Variants in WSCD2 observed in about 807,000 individuals in gnomAD.
WSCD2 encodes WSC domain sialate O sulfotransferase 2.
Under a neutral mutation model 55.7 loss-of-function variants are expected in WSCD2, and 28 were observed. The observed-to-expected ratio is 0.50, with a 90% CI of 0.37 to 0.69. The LOEUF (loss-of-function observed/expected upper bound fraction) is 0.69, where lower values mean the gene tolerates loss of function less well. WSCD2 is among the 30% of genes least tolerant of loss of function. WSCD2 has a pLI of 0.00. For missense variants in WSCD2, 616 were observed against 762.1 expected, an observed-to-expected ratio of 0.81 and a Z score of 2.26; for synonymous variants, 301 against 301.9, an observed-to-expected ratio of 1.00 and a Z score of 0.03.
chr12:108,197,742 C>G (rs1884115002), intron 2 of WSCD2, among the ~76,000 whole-genome samples: 1 of 151,984 alleles, frequency 6.6e-6, no homozygotes, highest in African/African-American at 2.4e-5. Context: ...AAGTCCTCAC[C>G]AGCCAGCACC....
At chr12:108,206,926 G>A (rs1266309260) in intron 3 of WSCD2, among the ~76,000 whole-genome samples, 6 of 152,228 alleles carry the variant, frequency 3.9e-5, no homozygotes, top group Non-Finnish European at 8.8e-5. Flanking sequence ...TAAGCATAAG[G>A]CTTGCAAGAT....
At chr12:108,147,772 G>A (rs1199174549) in intron 1 of WSCD2, among the ~76,000 whole-genome samples, 3 of 151,904 alleles carry the variant, frequency 2.0e-5, no homozygotes, top group Admixed American at 6.6e-5. Flanking sequence ...CCAGCTTCTT[G>A]GGGAGCTGAG....
At chr12:108,130,086 C>T (rs1434922903) in intron 1 of WSCD2, among the ~76,000 whole-genome samples, 160 bp downstream of exon 1, 2 of 152,228 alleles carry the variant, frequency 1.3e-5, no homozygotes, top group African/African-American at 4.8e-5. Flanking sequence ...AGTGAGGAAC[C>T]CAGAGTGGTG....
chr12:108,236,936 A>G (rs1889321309), intron 7 of WSCD2, among the ~76,000 whole-genome samples: 1 of 152,198 alleles, frequency 6.6e-6, no homozygotes, highest in African/African-American at 2.4e-5. Context: ...GAGGAGCCAG[A>G]GCCCTGACTT....
At chr12:108,227,224 C>T (rs1191406040) in intron 6 of WSCD2, 60 bp downstream of exon 6, 9 of 1,558,268 alleles carry the variant, frequency 5.8e-6, no homozygotes, top group East Asian at 4.5e-5. Context: ...CCCTCCCAGA[C>T]GTGTTCCTGC....
intron 4 of WSCD2, among the ~76,000 whole-genome samples, chr12:108,222,639 A>G (rs1367855465): frequency 6.6e-6 from 1 of 152,216 alleles, no homozygotes; most frequent in Non-Finnish European, 1.5e-5. Context: ...CAGCCTTTCA[A>G]AAGATTTAAC....
chr12:108,212,617 A>T (rs898221398), intron 4 of WSCD2, among the ~76,000 whole-genome samples: 182 of 140,934 alleles, frequency 1.3e-3, no homozygotes, highest in African/African-American at 3.5e-3. Flanking sequence ...TCTCTCTCAC[A>T]CACACACACA....
At chr12:108,141,397 G>A (rs948261870) in intron 1 of WSCD2, among the ~76,000 whole-genome samples, 11 of 152,154 alleles carry the variant, frequency 7.2e-5, no homozygotes, top group East Asian at 5.8e-4. Context: ...CACCATCCCC[G>A]GTTCTAAACA....
chr12:108,147,638 A>T (rs1819743661), intron 1 of WSCD2, among the ~76,000 whole-genome samples: 1 of 152,062 alleles, frequency 6.6e-6, no homozygotes, highest in Non-Finnish European at 1.5e-5. Flanking sequence ...GCACTTTGGG[A>T]GGCTGAGGCA....
chr12:108,247,051 ATTATCC>A (rs1323812379), intron 8 of WSCD2, among the ~76,000 whole-genome samples: 1 of 152,226 alleles, frequency 6.6e-6, no homozygotes, highest in Non-Finnish European at 1.5e-5. Context: ...GAGCTCCATT[ATTATCC>A]TGTGAGGAGA....
chr12:108,149,542 A>C (rs904825992), intron 1 of WSCD2, among the ~76,000 whole-genome samples: 1 of 152,178 alleles, frequency 6.6e-6, no homozygotes, highest in South Asian at 2.1e-4. Flanking sequence ...CCCACTTGAC[A>C]GATGAGGAAG....
In WSCD2 at chr12:108,248,966, G is replaced by A; in HGVS notation, c.*623G>A. 1 of 968,300 alleles carries A rather than the reference G, an allele frequency of 1.0e-6. No homozygotes were observed. Among genetic ancestry groups the A allele is most frequent in the Non-Finnish European group, 1.2e-6 (1 of 813,866 alleles). The allele number at this position is 968,300 out of a possible 1,614,324, so 60.0% of individuals were successfully genotyped here. A position where few individuals can be genotyped will look rare whatever the true frequency, so the allele number is the denominator to read the frequency against. The stretch of plus-strand genomic sequence containing the variant: ...AGGTTAATTGGAGACACCATGTGGG[G>A]CCATTGGTGTTATGAGCCCCCCAGG... On this transcript the variant is annotated 3_prime_UTR_variant, in exon 9 of 9. Transcript: ENST00000547525. This position sits in a 1 kb window ranked among gnomAD's most constrained non-coding sequence, Gnocchi z 4.3.
rs1890238449 is a variant in WSCD2, at chr12:108,248,426, A to G, written c.*83A>G. 4 of 1,506,274 alleles carry G rather than the reference A, an allele frequency of 2.7e-6. No individual in the cohort carries two copies. The highest frequency in any genetic ancestry group is 2.7e-6 in the Non-Finnish European group (3 of 1,126,690). The allele number at this position is 1,506,274 out of a possible 1,614,324, so 93.3% of individuals were successfully genotyped here. A position where few individuals can be genotyped will look rare whatever the true frequency, so the allele number is the denominator to read the frequency against. ...TCAAGACCCCTGGTTACCCCCACTC[A>G]TCTGTCCTCTCTTTGGTCTGGGGAC... On this transcript the variant is annotated 3_prime_UTR_variant, in exon 9 of 9. Transcript: ENST00000547525. This position sits in a 1 kb window ranked among gnomAD's most constrained non-coding sequence, Gnocchi z 4.3.
rs143179550 is a variant in WSCD2 at position 108,135,481 on chromosome 12, T to A, written c.-552+5555T>A. On this transcript the variant is annotated intron_variant, in intron 1 of 8. Transcript: ENST00000547525. ...GTCCTTCACACAGTGCCTTTCATGC[T>A]GGAAGCCATAATAAACAATAACTCC... Among the ~76,000 whole-genome samples, 481 of 152,354 alleles carry A rather than the reference T, an allele frequency of 3.2e-3. 3 individuals carry two copies. Among genetic ancestry groups the A allele is most frequent in the Middle Eastern group, 0.01 (3 of 294 alleles).
intron 1 of WSCD2, among the ~76,000 whole-genome samples, chr12:108,193,954 G>A (rs550410974): frequency 1.3e-5 from 2 of 152,338 alleles, no homozygotes; most frequent in East Asian, 3.9e-4. Flanking sequence ...GTCTGGATTA[G>A]GAGAGTATGT....
chr12:108,235,142 C>T (rs1333378335), intron 7 of WSCD2, among the ~76,000 whole-genome samples: 1 of 152,154 alleles, frequency 6.6e-6, no homozygotes, highest in Non-Finnish European at 1.5e-5. Context: ...AAATTCTTCA[C>T]CTCTCTGAGC....
chr12:108,245,614 G>T (rs1277096569), intron 8 of WSCD2, among the ~76,000 whole-genome samples: 1 of 152,220 alleles, frequency 6.6e-6, no homozygotes. Context: ...CTGTGTTGTT[G>T]CTGGGTGCTG....
Position 108,240,379 on chromosome 12 carries a change from C to A in WSCD2, c.1180C>A (p.Arg394=), listed in dbSNP as rs917857505. ...KGERDHWRSG[R]TICIKTHESG... ...TGAGCGGGACCACTGGCGCAGCGGA[C>A]GGACCATCTGCATCAAGACGCACGA... The change falls in exon 8 of 9, where the codon CGG becomes AGG. Residue 394 remains arginine, a synonymous_variant. Transcript: ENST00000547525. The A allele has an allele frequency of 6.2e-7, 1 of 1,614,140 alleles. No individual in the cohort carries two copies. The highest frequency in any genetic ancestry group is 1.7e-5 in the Admixed American group (1 of 60,032).
intron 4 of WSCD2, among the ~76,000 whole-genome samples, chr12:108,221,136 A>C (rs927173042): frequency 6.6e-6 from 1 of 152,114 alleles, no homozygotes; most frequent in Non-Finnish European, 1.5e-5. Context: ...GAGGGAGGAA[A>C]AGCCAGCATC....
Sources: allele counts gnomAD v4.1 joint callset (sites outside exome capture counted in the v4.1 genomes callset), GRCh38; gene constraint gnomAD v4.1.1; non-coding constraint Gnocchi (gnomAD v3.1); transcripts MANE v1.5; gene names NCBI Gene and HGNC (gene_info 2026-07-23, HGNC 2026-07-21).